TAS2R1: variants seen among roughly 807,000 people sequenced by gnomAD.
TAS2R1 encodes the protein taste receptor type 2 member 1.
For missense variants in TAS2R1, 370 were observed against 353.4 expected (o/e 1.05, Z -0.38); for synonymous variants, 141 against 134.2 (o/e 1.05, Z -0.35).
At chr5:9,727,516 G>C in the TAS2R1 span, among the ~76,000 whole-genome samples, 3 of 152,150 alleles carry the variant, frequency 2.0e-5, no homozygotes, top group African/African-American at 7.2e-5. Context: ...TAGATCCCAA[G>C]TAAAAGACTG....
the TAS2R1 span, among the ~76,000 whole-genome samples, chr5:9,797,218 T>C: frequency 8.9e-3 from 1,359 of 152,264 alleles, 16 homozygotes; most frequent in African/African-American, 0.031. Context: ...TATTTGAAGA[T>C]GTTGATTGTT....
the TAS2R1 span, among the ~76,000 whole-genome samples, chr5:9,783,333 C>T: frequency 6.6e-6 from 1 of 152,320 alleles, no homozygotes; most frequent in African/African-American, 2.4e-5. Flanking sequence ...GCTGAGCTGG[C>T]CCTTGAAATG....
the TAS2R1 span, among the ~76,000 whole-genome samples, chr5:9,900,910 A>C: frequency 1.3e-5 from 2 of 152,102 alleles, no homozygotes; most frequent in African/African-American, 4.8e-5. Flanking sequence ...TTGCGTGGGG[A>C]AGAATAATGC....
the TAS2R1 span, among the ~76,000 whole-genome samples, chr5:9,812,450 C>A: frequency 2.5e-3 from 374 of 151,860 alleles, no homozygotes; most frequent in African/African-American, 8.6e-3. Context: ...TGATTGGGCT[C>A]TAAGTGTGAA....
chr5:9,693,595 C>A, intron 1 of TAS2R1, among the ~76,000 whole-genome samples: 1 of 142,688 alleles, frequency 7.0e-6, no homozygotes, highest in Non-Finnish European at 1.5e-5. Context: ...CTCTTGCAGA[C>A]ATTTGCAAAA....
At chr5:9,650,704 T>A (rs746418210) in intron 2 of TAS2R1, among the ~76,000 whole-genome samples, 9 of 152,172 alleles carry the variant, frequency 5.9e-5, no homozygotes, top group Non-Finnish European at 1.0e-4. Context: ...GGTCCGATTA[T>A]CACACCCCAC....
chr5:9,734,911 G>A, the TAS2R1 span, among the ~76,000 whole-genome samples: 3 of 151,416 alleles, frequency 2.0e-5, no homozygotes, highest in Admixed American at 6.6e-5. Flanking sequence ...AACTGTATTC[G>A]TTTGTTCTCA....
the TAS2R1 span, among the ~76,000 whole-genome samples, chr5:9,724,883 G>A: frequency 6.6e-6 from 1 of 152,242 alleles, no homozygotes. Flanking sequence ...TCTTCCAGAA[G>A]CAATGACTAA....
At chr5:9,735,649 A>G in the TAS2R1 span, among the ~76,000 whole-genome samples, 1 of 152,180 alleles carries the variant, frequency 6.6e-6, no homozygotes, top group South Asian at 2.1e-4. Context: ...ACCCCCCACC[A>G]TGGTGAAAAC....
chr5:9,667,473 G>C (rs1245759872), intron 1 of TAS2R1, among the ~76,000 whole-genome samples: 1 of 152,178 alleles, frequency 6.6e-6, no homozygotes, highest in East Asian at 1.9e-4. Context: ...CTGCCCAGTG[G>C]CCTCACTTTT....
At chr5:9,672,084 C>A (rs2126503522) in intron 1 of TAS2R1, among the ~76,000 whole-genome samples, 1 of 152,166 alleles carries the variant, frequency 6.6e-6, no homozygotes, top group East Asian at 1.9e-4. Flanking sequence ...AACTGATTAG[C>A]CATATGTAGA....
intron 1 of TAS2R1, chr5:9,712,028 A>AAGGGAGGGAGGG (rs139038735): frequency 1.4e-4 from 13 of 89,978 alleles, no homozygotes; most frequent in African/African-American, 3.7e-4. Flanking sequence ...GGAAGGAAGG[A>AAGGGAGGGAGGG]AGGGAGGGAG....
chr5:9,837,405 G>A, the TAS2R1 span, among the ~76,000 whole-genome samples: 1 of 152,194 alleles, frequency 6.6e-6, no homozygotes, highest in Non-Finnish European at 1.5e-5. Flanking sequence ...AGGTTTCCAG[G>A]AATGTTTTAA....
At chr5:9,807,124 C>G in the TAS2R1 span, among the ~76,000 whole-genome samples, 1 of 151,788 alleles carries the variant, frequency 6.6e-6, no homozygotes, top group Non-Finnish European at 1.5e-5. Flanking sequence ...AGAAGATATA[C>G]AAATGGTCAA....
the TAS2R1 span, among the ~76,000 whole-genome samples, chr5:9,791,240 A>G: frequency 6.6e-6 from 1 of 152,080 alleles, no homozygotes; most frequent in East Asian, 1.9e-4. Context: ...TGATGAGATG[A>G]CTCTGCTCAG....
At position 9,629,337 on chromosome 5, in the gene TAS2R1, G is replaced by A. The variant is rs1403093206; in HGVS notation, c.696C>T (p.Ser232=). ...APISALLSIL[S]FLILYFSHCM... ...AGTGGGAGAAGTAGAGGATCAGGAA[G>A]GACAGGATAGACAGCAACGCGCTGA... is the stretch of plus-strand genomic sequence containing the variant. Residue 232 remains serine, a synonymous_variant, in exon 1 of 1, where the codon TCC becomes TCT. Coordinates refer to ENST00000382492, the MANE Select transcript of TAS2R1 (RefSeq NM_019599.3). The A allele has an allele frequency of 6.8e-6, 11 of 1,613,826 alleles. No individual in the cohort carries two copies. The highest frequency in any genetic ancestry group is 3.3e-5 in the South Asian group (3 of 91,030).
At chr5:9,732,191 A>C in the TAS2R1 span, among the ~76,000 whole-genome samples, 1 of 152,212 alleles carries the variant, frequency 6.6e-6, no homozygotes, top group Non-Finnish European at 1.5e-5. Flanking sequence ...GAATATTCCC[A>C]ACACTGGAAG....
chr5:9,639,126 C>T (rs1197756745), intron 2 of TAS2R1, among the ~76,000 whole-genome samples: 1 of 152,202 alleles, frequency 6.6e-6, no homozygotes, highest in Non-Finnish European at 1.5e-5. Context: ...CCAGACTCTG[C>T]TCAAGAAAAT....
chr5:9,773,622 C>T, the TAS2R1 span, among the ~76,000 whole-genome samples: 39 of 152,248 alleles, frequency 2.6e-4, 1 homozygote, highest in East Asian at 6.7e-3. Flanking sequence ...TGATGAAATC[C>T]CTCAGCTTTT....
Sources: gnomAD v4.1 joint callset for allele counts (sites outside exome capture counted in the v4.1 genomes callset) on GRCh38, gnomAD v4.1.1 for gene constraint, MANE v1.5 for transcripts, NCBI Gene and HGNC (gene_info 2026-07-23, HGNC 2026-07-21) for gene names.